Variants in NDST4 observed in about 807,000 individuals in gnomAD.
NDST4 encodes N-deacetylase and N-sulfotransferase 4, also known as N-heparan sulfate sulfotransferase 4.
NDST4 carries 63 observed loss-of-function variants against 100.8 expected under a neutral mutation model. That is an observed-to-expected ratio of 0.62 (90% CI 0.51 to 0.77). NDST4 has a LOEUF of 0.77. Ranked by LOEUF, NDST4 falls within the 30% of genes least tolerant of loss-of-function variation. The pLI is 0.00. For synonymous variants in NDST4, 377 were observed against 361.8 expected (o/e 1.04, Z -0.48); for missense variants, 943 against 1,018.4 (o/e 0.93, Z 1.01).
chr4:114,903,094 T>G (rs1466706179), intron 6 of NDST4, among the ~76,000 whole-genome samples: 1 of 152,098 alleles, frequency 6.6e-6, no homozygotes, highest in Non-Finnish European at 1.5e-5. Flanking sequence ...GTTCTGATGA[T>G]TGATTTTGAA....
chr4:114,891,248 AT>A (rs1011655720), intron 6 of NDST4, among the ~76,000 whole-genome samples: 5 of 151,824 alleles, frequency 3.3e-5, no homozygotes, highest in East Asian at 1.9e-4. Flanking sequence ...TTTTCCTTTT[AT>A]TTTTTTATAC....
chr4:114,927,510 G>A (rs1725410838), intron 6 of NDST4, among the ~76,000 whole-genome samples: 1 of 151,720 alleles, frequency 6.6e-6, no homozygotes, highest in Admixed American at 6.6e-5. Context: ...AAAATGATTA[G>A]GGGCTTTTCA....
intron 2 of NDST4, among the ~76,000 whole-genome samples, chr4:115,002,667 T>C (rs2126256461): frequency 6.6e-6 from 1 of 152,276 alleles, no homozygotes; most frequent in South Asian, 2.1e-4. Context: ...GAAGACAGTG[T>C]GGTGATTTCT....
intron 7 of NDST4, among the ~76,000 whole-genome samples, chr4:114,864,653 A>G (rs1441631): frequency 0.085 from 13,010 of 152,212 alleles, 1,625 homozygotes; most frequent in African/African-American, 0.27. Flanking sequence ...CTTGTTCCCC[A>G]TGTAAAATCC....
At chr4:115,053,847 G>A (rs1728638327) in intron 2 of NDST4, among the ~76,000 whole-genome samples, 1 of 151,996 alleles carries the variant, frequency 6.6e-6, no homozygotes, top group Admixed American at 6.6e-5. Flanking sequence ...TAACAACACA[G>A]TTATGACAAT....
chr4:115,111,345 A>T (rs1056048559), intron 1 of NDST4, among the ~76,000 whole-genome samples: 13 of 152,010 alleles, frequency 8.6e-5, no homozygotes, highest in African/African-American at 3.1e-4. Flanking sequence ...TCAAATAAAA[A>T]ATGAAAGATC....
chr4:114,912,816 C>T (rs1241455687), intron 6 of NDST4, among the ~76,000 whole-genome samples: 1 of 152,054 alleles, frequency 6.6e-6, no homozygotes, highest in African/African-American at 2.4e-5. Context: ...AACTCATTGT[C>T]ACATAAAAAT....
chr4:114,860,497 C>A (rs997138824), intron 7 of NDST4, among the ~76,000 whole-genome samples: 7 of 152,118 alleles, frequency 4.6e-5, no homozygotes, highest in African/African-American at 1.7e-4. Context: ...GAAGTATCCT[C>A]AAAAATAAAG....
intron 2 of NDST4, among the ~76,000 whole-genome samples, chr4:115,013,370 T>TATATATATATATATATATATAC (rs74678897): frequency 0.027 from 1,916 of 70,764 alleles, 130 homozygotes; most frequent in Non-Finnish European, 0.039. Flanking sequence ...TATATATATA[T>TATATATATATATATATATATAC]ACACACACAT....
At chr4:114,993,407 T>C (rs1220352007) in intron 2 of NDST4, among the ~76,000 whole-genome samples, 1 of 151,914 alleles carries the variant, frequency 6.6e-6, no homozygotes, top group African/African-American at 2.4e-5. Context: ...ATTGTTTCTG[T>C]TTTAAGTAAT....
chr4:115,082,880 T>A (rs1343596974), intron 1 of NDST4, among the ~76,000 whole-genome samples: 1 of 152,170 alleles, frequency 6.6e-6, no homozygotes, highest in African/African-American at 2.4e-5. Flanking sequence ...TTTATTTTAA[T>A]TTTAAAAGTT....
Position 114,929,074 on chromosome 4 carries a change from G to GTCCGTCCATCCA in NDST4, c.1536+6131_1536+6132insTGGATGGACGGA, listed in dbSNP as rs1560816975. Among the ~76,000 whole-genome samples, 190 of 120,492 alleles carry GTCCGTCCATCCA rather than the reference G, an allele frequency of 1.6e-3. 1 individual carries two copies. Among genetic ancestry groups the GTCCGTCCATCCA allele is most frequent in the Middle Eastern group, 7.9e-3 (2 of 254 alleles). The allele number at this position is 120,492 out of a possible 152,430, so 79.0% of individuals were successfully genotyped here. On this transcript the variant is annotated intron_variant, in intron 6 of 13. Transcript: ENST00000264363. ...CGTCCGTCCGTCCGTCCGTCCGTCC[G>GTCCGTCCATCCA]TCCATCCATCCATCCATCCATCCAT... is the stretch of plus-strand genomic sequence containing the variant.
intron 2 of NDST4, among the ~76,000 whole-genome samples, chr4:115,068,537 G>T (rs576229309): frequency 2.6e-5 from 4 of 151,962 alleles, no homozygotes; most frequent in East Asian, 1.9e-4. Context: ...GGCTGGGTGC[G>T]GTGGCTCATG....
intron 6 of NDST4, among the ~76,000 whole-genome samples, chr4:114,877,004 C>T (rs1488612843): frequency 6.6e-6 from 1 of 152,094 alleles, no homozygotes; most frequent in Non-Finnish European, 1.5e-5. Context: ...AAGTAGTCAA[C>T]AAGCGGATTG....
At chr4:115,032,636 T>G (rs916724136) in intron 2 of NDST4, among the ~76,000 whole-genome samples, 31 of 152,126 alleles carry the variant, frequency 2.0e-4, no homozygotes, top group African/African-American at 7.5e-4. Flanking sequence ...GAGTAATGCA[T>G]AGTTTCCATT....
chr4:115,084,943 G>C (rs1003198975), intron 1 of NDST4, among the ~76,000 whole-genome samples: 1 of 152,080 alleles, frequency 6.6e-6, no homozygotes. Flanking sequence ...CTAGACCCCA[G>C]AATGGTAAAT....
At chr4:115,036,193 A>G (rs1293686095) in intron 2 of NDST4, among the ~76,000 whole-genome samples, 1 of 151,588 alleles carries the variant, frequency 6.6e-6, no homozygotes, top group Non-Finnish European at 1.5e-5. Context: ...TGGTTGGAAA[A>G]TGTTTTCTAA....
chr4:114,869,516 A>G (rs17047419), intron 7 of NDST4, among the ~76,000 whole-genome samples: 11,779 of 152,114 alleles, frequency 0.077, 533 homozygotes, highest in East Asian at 0.13. Context: ...TCTTTATACA[A>G]TTGTATTTTG....
chr4:114,845,223 T>C (rs1178922159), intron 10 of NDST4, among the ~76,000 whole-genome samples: 3 of 152,020 alleles, frequency 2.0e-5, no homozygotes, highest in Non-Finnish European at 4.4e-5. Context: ...TCTCAGCTAC[T>C]TGGGAGGCTG....
Sources: gnomAD v4.1 joint callset for allele counts (sites outside exome capture counted in the v4.1 genomes callset) on GRCh38, gnomAD v4.1.1 for gene constraint, MANE v1.5 for transcripts, NCBI Gene and HGNC (gene_info 2026-07-23, HGNC 2026-07-21) for gene names.